The following PLCZ1 variants were observed in gnomAD, a reference collection of about 807,000 sequenced individuals.
The protein encoded by PLCZ1 is phospholipase C zeta 1, also known as 1-phosphatidylinositol 4,5-bisphosphate phosphodiesterase zeta-1.
A neutral mutation model predicts 76.8 loss-of-function variants in PLCZ1; 64 were observed. The observed-to-expected ratio is 0.83, with a 90% CI of 0.68 to 1.03. PLCZ1 has a LOEUF of 1.03. PLCZ1 is among the 50% of genes least tolerant of loss of function. The pLI is 0.00. For synonymous variants in PLCZ1, 248 were observed against 230.8 expected (o/e 1.07, Z -0.68); for missense variants, 751 against 713.7 (o/e 1.05, Z -0.60).
At chr12:18,688,283 A>C in intron 12 of PLCZ1, 65 bp from the exon 13 acceptor site, 1 of 1,512,634 alleles carries the variant, frequency 6.6e-7, no homozygotes, top group Non-Finnish European at 8.9e-7. Flanking sequence ...ATTTATTTCA[A>C]AATTAAGTTA....
chr12:18,647,864 C>T, the PLCZ1 span: 1 of 1,441,090 alleles, frequency 6.9e-7, no homozygotes. Flanking sequence ...TCATTATTTT[C>T]TCCGTTTTTA....
the PLCZ1 span, chr12:18,647,826 T>C: frequency 1.8e-6 from 2 of 1,116,878 alleles, no homozygotes; most frequent in Non-Finnish European, 2.4e-6. Context: ...AAAAAAGAGA[T>C]GTATTTAAGC....
intron 12 of PLCZ1, among the ~76,000 whole-genome samples, chr12:18,690,646 A>G (rs1187927762): frequency 6.6e-6 from 1 of 152,202 alleles, no homozygotes; most frequent in Non-Finnish European, 1.5e-5. Context: ...GTTACGGAAA[A>G]CAGCAAAGCT....
chr12:18,696,330 A>ATATATATATATATATG (rs1955008452), intron 10 of PLCZ1, 64 bp from the exon 11 acceptor site: 3 of 54,062 alleles, frequency 5.5e-5, no homozygotes, highest in South Asian at 2.1e-3. Flanking sequence ...CACTATATAT[A>ATATATATATATATATG]TATATATATA....
the PLCZ1 span, among the ~76,000 whole-genome samples, chr12:18,650,753 T>A: frequency 1.2e-4 from 12 of 97,588 alleles, no homozygotes; most frequent in Admixed American, 8.7e-4. Flanking sequence ...TATATATATA[T>A]ATATATATAT....
intron 6 of PLCZ1, among the ~76,000 whole-genome samples, chr12:18,708,832 G>A (rs1440234596): frequency 6.6e-6 from 1 of 151,918 alleles, no homozygotes; most frequent in Non-Finnish European, 1.5e-5. Context: ...TGCCTATTCA[G>A]GTTTTTTGTT....
intron 3 of PLCZ1, among the ~76,000 whole-genome samples, chr12:18,726,439 C>G (rs1272354766): frequency 2.0e-5 from 3 of 152,146 alleles, no homozygotes; most frequent in Non-Finnish European, 2.9e-5. Context: ...TGCTTCAAGA[C>G]CGTGAACATC....
chr12:18,712,104 C>T (rs935582227), intron 6 of PLCZ1, among the ~76,000 whole-genome samples: 3 of 152,058 alleles, frequency 2.0e-5, no homozygotes, highest in African/African-American at 7.2e-5. Context: ...AGTTTTAGTA[C>T]GTAGTAAGAA....
At chr12:18,710,484 T>C (rs562977666) in intron 6 of PLCZ1, among the ~76,000 whole-genome samples, 5 of 152,120 alleles carry the variant, frequency 3.3e-5, no homozygotes, top group Middle Eastern at 3.4e-3. Flanking sequence ...TGTGAGTCAT[T>C]GTACAAATTT....
chr12:18,727,583 G>A (rs1958824230), intron 3 of PLCZ1, among the ~76,000 whole-genome samples: 1 of 152,140 alleles, frequency 6.6e-6, no homozygotes, highest in African/African-American at 2.4e-5. Context: ...ACAGAAGAGT[G>A]TAATTAGAGA....
rs1314580132 is a variant in PLCZ1, at chr12:18,683,920, T to A, written c.1741+210A>T. ...CTTATACATGCCAAGTTTGTCTAAT[T>A]AGCCTTCCTGTCAGTCCCACACCCC... On this transcript the variant is annotated intron_variant, in intron 14 of 14. Coordinates refer to ENST00000266505, the MANE Select transcript of PLCZ1 (RefSeq NM_033123.4). Among the ~76,000 whole-genome samples the A allele has an allele frequency of 3.3e-5, 5 of 152,022 alleles. No individual in the cohort carries two copies. In the East Asian group the frequency reaches 5.8e-4, roughly 18 times the overall value.
At chr12:18,677,351 C>T in the PLCZ1 span, among the ~76,000 whole-genome samples, 4 of 152,052 alleles carry the variant, frequency 2.6e-5, no homozygotes, top group East Asian at 1.9e-4. Flanking sequence ...GCAATCAAAC[C>T]GGTAATGAAT....
chr12:18,684,073 A>G (rs1299521321), intron 14 of PLCZ1, 57 bp downstream of exon 14: 18 of 1,580,166 alleles, frequency 1.1e-5, no homozygotes, highest in Non-Finnish European at 1.5e-5. Flanking sequence ...TGTGTCTTTG[A>G]TATACACAAG....
At chr12:18,665,118 T>C in the PLCZ1 span, among the ~76,000 whole-genome samples, 1 of 151,322 alleles carries the variant, frequency 6.6e-6, no homozygotes, top group South Asian at 2.1e-4. Flanking sequence ...GTAACTAACC[T>C]GCACATTGTG....
At chr12:18,706,778 T>A (rs367901729) in intron 6 of PLCZ1, among the ~76,000 whole-genome samples, 69 of 152,356 alleles carry the variant, frequency 4.5e-4, no homozygotes, top group African/African-American at 1.5e-3. Flanking sequence ...GTCTTTTTAA[T>A]GTATGAGTGT....
At chr12:18,649,488 T>C in the PLCZ1 span, among the ~76,000 whole-genome samples, 1 of 152,158 alleles carries the variant, frequency 6.6e-6, no homozygotes. Context: ...CATGATGTTA[T>C]GTCTCCCATC....
intron 5 of PLCZ1, 92 bp from the exon 6 acceptor site, chr12:18,713,078 A>G (rs778871808): frequency 8.7e-6 from 13 of 1,495,122 alleles, no homozygotes; most frequent in African/African-American, 1.4e-5. Flanking sequence ...ATTTGATTTT[A>G]TAATAAATGC....
intron 13 of PLCZ1, among the ~76,000 whole-genome samples, chr12:18,687,591 C>T (rs1953357486): frequency 6.6e-6 from 1 of 152,076 alleles, no homozygotes; most frequent in Non-Finnish European, 1.5e-5. Context: ...CTTCACTTCC[C>T]TTATGGCAAA....
intron 6 of PLCZ1, among the ~76,000 whole-genome samples, chr12:18,712,275 G>T (rs1957435940): frequency 6.6e-6 from 1 of 152,082 alleles, no homozygotes; most frequent in Non-Finnish European, 1.5e-5. Flanking sequence ...AACATTGAGG[G>T]ATTGCAAAAA....
Sources: allele counts gnomAD v4.1 joint callset (sites outside exome capture counted in the v4.1 genomes callset), GRCh38; gene constraint gnomAD v4.1.1; transcripts MANE v1.5; gene names NCBI Gene and HGNC (gene_info 2026-07-23, HGNC 2026-07-21).